TMEFF2: variants seen among roughly 807,000 people sequenced by gnomAD.
TMEFF2 encodes transmembrane protein with EGF like and two follistatin like domains 2.
In TMEFF2, 28 loss-of-function variants were observed where a neutral mutation model predicts 53.8. That is an observed-to-expected ratio of 0.52 (90% CI 0.39 to 0.71). The LOEUF is 0.71. Ranked by LOEUF, TMEFF2 falls within the 30% of genes least tolerant of loss-of-function variation. TMEFF2 has a pLI of 0.00. For missense variants in TMEFF2, 353 were observed against 455.2 expected (o/e 0.78, Z 2.04); for synonymous variants, 162 against 166.3 (o/e 0.97, Z 0.20).
chr2:192,158,016 G>A (rs1024939670), intron 4 of TMEFF2, among the ~76,000 whole-genome samples: 27 of 152,134 alleles, frequency 1.8e-4, no homozygotes, highest in Admixed American at 1.0e-3. Context: ...ATCCTTAGAG[G>A]CAGGATCCAC....
Position 191,975,265 on chromosome 2 carries a change from C to CTT in TMEFF2, c.746-18889_746-18888dup, listed in dbSNP as rs57057771. 9.1e-3 allele frequency among the ~76,000 whole-genome samples: 807 copies of CTT among 88,280 alleles called. 33 individuals are homozygous for CTT. The highest frequency in any genetic ancestry group is 0.023 in the East Asian group (49 of 2,130). 57.9% of individuals were successfully genotyped at this position (88,280 alleles called of 152,430 possible). A position where few individuals can be genotyped will look rare whatever the true frequency, so the allele number is the denominator to read the frequency against. Reference sequence around the variant, plus strand: ...ATCAGGTGATTTTTTTCTTTTTCTTCTTTTTTTTTTTTTTTTGCCTAAAAA... The same window carrying CTT: ...ATCAGGTGATTTTTTTCTTTTTCTTCTTTTTTTTTTTTTTTTTTGCCTAAAAA... On this transcript the variant is annotated intron_variant, in intron 7 of 9. Transcript: ENST00000272771.
Position 192,132,675 on chromosome 2 carries a change from C to A in TMEFF2, c.439+46993G>T, listed in dbSNP as rs957932750. ...TGCAGCGGCCAGGCGTTCCTCCAGGCCCGCTTCCCCCAGGAGCTTGCTACA... is the reference window on the plus strand; with the variant it reads ...TGCAGCGGCCAGGCGTTCCTCCAGGACCGCTTCCCCCAGGAGCTTGCTACA... On this transcript the variant is annotated intron_variant, in intron 4 of 9. Transcript: ENST00000272771. 1.7e-4 allele frequency among the ~76,000 whole-genome samples: 26 copies of A among 152,298 alleles called. No homozygotes were observed. The East Asian group carries it at 3.7e-3, about 22-fold the overall frequency.
intron 5 of TMEFF2, among the ~76,000 whole-genome samples, chr2:192,027,094 G>GA (rs1320816617): frequency 2.6e-5 from 4 of 152,082 alleles, no homozygotes; most frequent in South Asian, 2.1e-4. Context: ...TAAGAGGTCA[G>GA]AAAAAATCCA....
chr2:192,096,670 C>CTTTTTTTT (rs1179296312), intron 4 of TMEFF2, among the ~76,000 whole-genome samples: 1 of 53,686 alleles, frequency 1.9e-5, no homozygotes, highest in African/African-American at 1.3e-4. Flanking sequence ...CTCTCTCTCT[C>CTTTTTTTT]TTTTTTTTTT....
chr2:192,173,595 T>G (rs1299546030), intron 4 of TMEFF2, among the ~76,000 whole-genome samples: 2 of 151,928 alleles, frequency 1.3e-5, no homozygotes, highest in Admixed American at 1.3e-4. Context: ...GCAATATGCC[T>G]GCCACTGTAG....
At chr2:191,956,143 T>C in intron 8 of TMEFF2, 112 bp downstream of exon 8, 2 of 1,183,112 alleles carry the variant, frequency 1.7e-6, no homozygotes, top group Non-Finnish European at 1.2e-6. Context: ...AAAAGTTTTG[T>C]TGCTGATTAC....
intron 4 of TMEFF2, among the ~76,000 whole-genome samples, chr2:192,125,346 A>G (rs1689651381): frequency 6.6e-6 from 1 of 152,190 alleles, no homozygotes; most frequent in Admixed American, 6.5e-5. Context: ...TTCAAATAAC[A>G]TTCAGCTCAA....
intron 5 of TMEFF2, among the ~76,000 whole-genome samples, chr2:192,053,689 T>G (rs1275602551): frequency 6.6e-6 from 1 of 152,238 alleles, no homozygotes; most frequent in East Asian, 1.9e-4. Context: ...AACCTGGCCG[T>G]GGTGTCATCC....
Position 192,045,920 on chromosome 2 carries a change from C to T in TMEFF2, c.536+11759G>A, listed in dbSNP as rs565411596. Among the ~76,000 whole-genome samples the T allele has an allele frequency of 5.3e-5, 8 of 152,338 alleles. No individual in the cohort carries two copies. In the East Asian group the frequency reaches 5.8e-4, roughly 11 times the overall value. On this transcript the variant is annotated intron_variant, in intron 5 of 9. Coordinates refer to ENST00000272771, the MANE Select transcript of TMEFF2 (RefSeq NM_016192.4). ...CCCAAAACTACCATCCATGGACTTACGGAATGCTTTATCCACCATCTTGGT... is the reference window on the plus strand; with the variant it reads ...CCCAAAACTACCATCCATGGACTTATGGAATGCTTTATCCACCATCTTGGT...
intron 8 of TMEFF2, among the ~76,000 whole-genome samples, chr2:191,955,515 T>C (rs1692047619): frequency 7.5e-6 from 1 of 132,922 alleles, no homozygotes; most frequent in African/African-American, 2.9e-5. Flanking sequence ...CGTGCCTGGC[T>C]AATTCTTAAT....
chr2:191,996,117 A>T (rs934255991), intron 7 of TMEFF2, among the ~76,000 whole-genome samples: 3 of 152,034 alleles, frequency 2.0e-5, no homozygotes, highest in African/African-American at 7.2e-5. Context: ...TTGGAATAAA[A>T]ATTCAATTAT....
chr2:192,160,505 C>T (rs1452306197), intron 4 of TMEFF2, among the ~76,000 whole-genome samples: 1 of 151,998 alleles, frequency 6.6e-6, no homozygotes, highest in Non-Finnish European at 1.5e-5. Context: ...AGAACAAGCC[C>T]TACAAACAAT....
intron 4 of TMEFF2, among the ~76,000 whole-genome samples, chr2:192,125,464 A>T (rs997008874): frequency 1.3e-5 from 2 of 152,280 alleles, no homozygotes; most frequent in East Asian, 3.9e-4. Context: ...CATCTTTTTA[A>T]CAGATTGATT....
At chr2:191,985,184 C>T (rs1685947181) in intron 7 of TMEFF2, among the ~76,000 whole-genome samples, 1 of 151,772 alleles carries the variant, frequency 6.6e-6, no homozygotes, top group Non-Finnish European at 1.5e-5. Context: ...GCTTTAATAT[C>T]TGAAACATAG....
At chr2:192,105,129 T>C (rs1689116554) in intron 4 of TMEFF2, among the ~76,000 whole-genome samples, 1 of 152,004 alleles carries the variant, frequency 6.6e-6, no homozygotes, top group East Asian at 1.9e-4. Flanking sequence ...TTGGGCAACA[T>C]ACTCTTTTCA....
rs1691823242 is a variant in TMEFF2, at chr2:191,950,058, A to ATGGGAAAGAAAAAACTATAT, written c.*233_*252dup. ...AGTATTTATTATATATAACAAATAC[A>ATGGGAAAGAAAAAACTATAT]TGGGAAAGAAAAAACTATATTGTGT... On this transcript the variant is annotated 3_prime_UTR_variant, in exon 10 of 10. Coordinates refer to ENST00000272771, the MANE Select transcript of TMEFF2 (RefSeq NM_016192.4). The ATGGGAAAGAAAAAACTATAT allele has an allele frequency of 4.2e-6, 5 of 1,199,678 alleles. No homozygotes were observed. In the South Asian group the frequency reaches 1.2e-4, roughly 28 times the overall value. 74.3% of individuals were successfully genotyped at this position (1,199,678 alleles called of 1,614,324 possible).
intron 4 of TMEFF2, among the ~76,000 whole-genome samples, chr2:192,151,921 G>A (rs1481074231): frequency 6.6e-6 from 1 of 151,836 alleles, no homozygotes; most frequent in Non-Finnish European, 1.5e-5. Flanking sequence ...GGAGGAAAAT[G>A]GCAGATGTTC....
At chr2:192,125,945 G>A (rs1016603636) in intron 4 of TMEFF2, among the ~76,000 whole-genome samples, 1 of 152,142 alleles carries the variant, frequency 6.6e-6, no homozygotes, top group African/African-American at 2.4e-5. Context: ...GTGATGGGTG[G>A]ATCTGTGCAG....
chr2:192,157,401 A>G (rs796295183), intron 4 of TMEFF2, among the ~76,000 whole-genome samples: 46 of 152,172 alleles, frequency 3.0e-4, no homozygotes, highest in African/African-American at 1.1e-3. Flanking sequence ...TATATCTTAA[A>G]TAAGTTAATG....
Sources: allele counts gnomAD v4.1 joint callset (sites outside exome capture counted in the v4.1 genomes callset), GRCh38; gene constraint gnomAD v4.1.1; transcripts MANE v1.5; gene names NCBI Gene and HGNC (gene_info 2026-07-23, HGNC 2026-07-21).